LPA: variants seen among roughly 807,000 people sequenced by gnomAD.
LPA encodes the protein apolipoprotein(a).
Under a neutral mutation model 197.9 loss-of-function variants are expected in LPA, and 199 were observed. The ratio of observed to expected loss-of-function variants is 1.01; its 90% CI spans 0.90 to 1.13. The LOEUF is 1.13. Among genes scored for constraint, LPA ranks in the 50% most tolerant of loss-of-function variants. The probability of loss-of-function intolerance (pLI) is 0.00; values close to 1 mark genes in which losing one functional copy is unlikely to be tolerated. For missense variants in LPA, 1,853 were observed against 1,785.8 expected (o/e 1.04, Z -0.68); for synonymous variants, 715 against 639.5 (o/e 1.12, Z -1.78).
At chr6:160,605,725 C>T (rs1481052141) in intron 17 of LPA, among the ~76,000 whole-genome samples, 1 of 152,158 alleles carries the variant, frequency 6.6e-6, no homozygotes, top group African/African-American at 2.4e-5. Flanking sequence ...AACAGTCCTT[C>T]GTCTAGGACT....
chr6:160,604,919 A>G, intron 18 of LPA, 127 bp downstream of exon 18: 1 of 1,418,480 alleles, frequency 7.0e-7, no homozygotes, highest in South Asian at 1.2e-5. Context: ...AATGTTCCTG[A>G]GACATTTTGC....
At chr6:160,607,333 T>G (rs1373160845) in intron 16 of LPA, among the ~76,000 whole-genome samples, 2 of 152,162 alleles carry the variant, frequency 1.3e-5, no homozygotes, top group Admixed American at 6.5e-5. Flanking sequence ...CCAGGCAGAA[T>G]GCAGCATCTC....
At chr6:160,539,140 C>T (rs1268546883) in intron 36 of LPA, among the ~76,000 whole-genome samples, 1 of 152,166 alleles carries the variant, frequency 6.6e-6, no homozygotes, top group Admixed American at 6.5e-5. Context: ...AGGCTCCTGC[C>T]TGCCCCATGC....
intron 16 of LPA, among the ~76,000 whole-genome samples, chr6:160,609,875 G>C (rs751352482): frequency 6.6e-6 from 1 of 151,900 alleles, no homozygotes; most frequent in Non-Finnish European, 1.5e-5. Context: ...CTGCAGAATT[G>C]TTTTTGGTTA....
At chr6:160,649,547 C>T (rs1467817278) in intron 2 of LPA, among the ~76,000 whole-genome samples, 5 of 152,136 alleles carry the variant, frequency 3.3e-5, no homozygotes, top group Non-Finnish European at 2.9e-5. Flanking sequence ...TTTTGGGCTC[C>T]ATCTCCTGCC....
At chr6:160,610,964 C>A (rs754303234) in intron 16 of LPA, among the ~76,000 whole-genome samples, 1 of 152,162 alleles carries the variant, frequency 6.6e-6, no homozygotes, top group South Asian at 2.1e-4. Flanking sequence ...TTCTATCCAT[C>A]TACCCATCCC....
intron 1 of LPA, among the ~76,000 whole-genome samples, chr6:160,657,469 G>A (rs542619751): frequency 2.4e-4 from 36 of 149,756 alleles, no homozygotes; most frequent in African/African-American, 8.8e-4. Context: ...GGCGATCTTG[G>A]CTCACTGCAA....
intron 24 of LPA, 124 bp from the exon 25 acceptor site, chr6:160,586,754 C>T (rs1413466541): frequency 1.5e-6 from 2 of 1,307,286 alleles, no homozygotes; most frequent in Admixed American, 3.8e-5. Flanking sequence ...CACTAAAGTC[C>T]CATAACACTC....
In LPA at chr6:160,592,202, A is replaced by G. The variant is rs141284260; in HGVS notation, c.3630-1101T>C. 4.3e-4 allele frequency among the ~76,000 whole-genome samples: 65 copies of G among 151,978 alleles called. No individual in the cohort carries two copies. In the East Asian group the frequency reaches 0.012, roughly 28 times the overall value. On this transcript the variant is annotated intron_variant, in intron 22 of 38. Transcript: ENST00000316300. ...CCTAGATGTCCTTGAGGCTCTGTTG[A>G]TTAATTGGTTCAGTCATTGTGTGTA... is the stretch of plus-strand genomic sequence containing the variant.
intron 16 of LPA, among the ~76,000 whole-genome samples, chr6:160,610,198 C>A (rs1234759724): frequency 6.6e-6 from 1 of 152,060 alleles, no homozygotes; most frequent in Non-Finnish European, 1.5e-5. Flanking sequence ...TAATTTAGGA[C>A]TCACTCTGGG....
chr6:160,584,147 T>A (rs891729798), intron 26 of LPA, among the ~76,000 whole-genome samples: 18 of 151,858 alleles, frequency 1.2e-4, no homozygotes, highest in African/African-American at 3.9e-4. Context: ...TACTCATATA[T>A]AAATATATGC....
At chr6:160,585,949 A>G (rs1778902485) in intron 25 of LPA, among the ~76,000 whole-genome samples, 1 of 149,916 alleles carries the variant, frequency 6.7e-6, no homozygotes, top group Admixed American at 6.7e-5. Flanking sequence ...TGGGGAGATA[A>G]ACAATTTGGT....
At chr6:160,542,537 CTT>C in intron 34 of LPA, 149 bp downstream of exon 34, 1 of 1,224,476 alleles carries the variant, frequency 8.2e-7, no homozygotes, top group Non-Finnish European at 1.1e-6. Context: ...AATAATATAA[CTT>C]TTTTTAATTT....
At chr6:160,532,903 C>G (rs1238052689) in intron 37 of LPA, among the ~76,000 whole-genome samples, 2 of 152,194 alleles carry the variant, frequency 1.3e-5, no homozygotes, top group African/African-American at 4.8e-5. Context: ...TGTTTGTGTA[C>G]TTTTTGCTTT....
At chr6:160,648,482 A>T (rs373887913) in intron 2 of LPA, among the ~76,000 whole-genome samples, 9 of 151,904 alleles carry the variant, frequency 5.9e-5, no homozygotes, top group African/African-American at 2.2e-4. Context: ...CTTGCTTCCC[A>T]CATGTAGGAA....
At chr6:160,598,113 C>T (rs1366491723) in intron 20 of LPA, among the ~76,000 whole-genome samples, 2 of 152,188 alleles carry the variant, frequency 1.3e-5, no homozygotes, top group Non-Finnish European at 1.5e-5. Flanking sequence ...TTCTCTCTAG[C>T]TGGTCAAAAC....
At chr6:160,661,804 A>C (rs972607023) in intron 1 of LPA, among the ~76,000 whole-genome samples, 2 of 152,226 alleles carry the variant, frequency 1.3e-5, no homozygotes, top group African/African-American at 2.4e-5. Flanking sequence ...TTCCAGGAAG[A>C]GTTGTGCTTG....
chr6:160,647,798 G>A (rs990960457), intron 2 of LPA, among the ~76,000 whole-genome samples: 4 of 152,156 alleles, frequency 2.6e-5, no homozygotes, highest in Non-Finnish European at 5.9e-5. Context: ...ATATGGTAAA[G>A]TTAAATATAT....
chr6:160,664,119 T>C, intron 1 of LPA, 47 bp downstream of exon 1: 2 of 1,508,836 alleles, frequency 1.3e-6, no homozygotes, highest in African/African-American at 1.4e-5. Context: ...TTTACTACAT[T>C]GTGGGAGAAA....
Sources: gnomAD v4.1 joint callset for allele counts (sites outside exome capture counted in the v4.1 genomes callset) on GRCh38, gnomAD v4.1.1 for gene constraint, MANE v1.5 for transcripts, NCBI Gene and HGNC (gene_info 2026-07-23, HGNC 2026-07-21) for gene names.